PRICKLE1: variants seen among roughly 807,000 people sequenced by gnomAD.
PRICKLE1 encodes prickle-like protein 1.
PRICKLE1 carries 14 observed loss-of-function variants against 70.2 expected under a neutral mutation model. The observed-to-expected ratio is 0.20, with a 90% CI of 0.13 to 0.31. The LOEUF (loss-of-function observed/expected upper bound fraction) is 0.31. Ranked by LOEUF, PRICKLE1 falls within the 10% of genes least tolerant of loss-of-function variation. The pLI, the probability that PRICKLE1 is intolerant of heterozygous loss-of-function variation, is 1.00. For missense variants in PRICKLE1, 821 were observed against 1,026.2 expected (o/e 0.80, Z 2.73); for synonymous variants, 357 against 379.9 (o/e 0.94, Z 0.70).
intron 1 of PRICKLE1, among the ~76,000 whole-genome samples, chr12:42,549,506 C>G (rs899103423): frequency 1.3e-5 from 2 of 152,140 alleles, no homozygotes; most frequent in Admixed American, 1.3e-4. Context: ...ATGGAACCCA[C>G]CCCTACCTCT....
At chr12:42,476,161 C>T (rs773116914) in intron 1 of PRICKLE1, among the ~76,000 whole-genome samples, 1 of 149,150 alleles carries the variant, frequency 6.7e-6, no homozygotes, top group Non-Finnish European at 1.5e-5. Flanking sequence ...AGAGTTGCTA[C>T]ATCATCACTA....
chr12:42,478,456 C>CATTAAGGAG (rs973016330), intron 1 of PRICKLE1, among the ~76,000 whole-genome samples: 1 of 152,074 alleles, frequency 6.6e-6, no homozygotes, highest in Non-Finnish European at 1.5e-5. Context: ...ATAGTCTGAC[C>CATTAAGGAG]ATTAAGGAGG....
intron 1 of PRICKLE1, among the ~76,000 whole-genome samples, chr12:42,557,481 G>A (rs1338183029): frequency 2.0e-5 from 3 of 152,134 alleles, no homozygotes; most frequent in African/African-American, 4.8e-5. Flanking sequence ...AGTTTGCATC[G>A]TCCCTCCCCA....
intron 1 of PRICKLE1, among the ~76,000 whole-genome samples, chr12:42,502,487 T>A (rs1175298447): frequency 6.6e-6 from 1 of 151,840 alleles, no homozygotes; most frequent in African/African-American, 2.4e-5. Flanking sequence ...TTTGTATTTT[T>A]TTTGTAGAGA....
At chr12:42,519,763 T>C (rs1048717590) in intron 1 of PRICKLE1, among the ~76,000 whole-genome samples, 3 of 152,150 alleles carry the variant, frequency 2.0e-5, no homozygotes, top group Non-Finnish European at 4.4e-5. Flanking sequence ...GGGCTGAGGC[T>C]GGGTAGCTTG....
chr12:42,480,974 G>A (rs1329217355), intron 1 of PRICKLE1, among the ~76,000 whole-genome samples: 1 of 152,186 alleles, frequency 6.6e-6, no homozygotes, highest in African/African-American at 2.4e-5. Context: ...GAACCTGAGA[G>A]GGGCCAATTA....
At chr12:42,497,261 G>A (rs1460461117) in intron 1 of PRICKLE1, among the ~76,000 whole-genome samples, 3 of 152,080 alleles carry the variant, frequency 2.0e-5, no homozygotes, top group Non-Finnish European at 2.9e-5. Context: ...AACATTTATC[G>A]ATGGCCGGGC....
rs577174749 is a variant in PRICKLE1 at position 42,465,012 on chromosome 12, C to T, written c.1022G>A (p.Arg341Gln). The T allele has an allele frequency of 1.3e-5, 21 of 1,605,422 alleles. No homozygotes were observed. Among genetic ancestry groups the T allele is most frequent in the East Asian group, 2.2e-5 (1 of 44,782 alleles). The change falls in exon 7 of 8, where the codon CGG becomes CAG. Residue 341 changes from arginine (R) to glutamine (Q), a missense_variant. By Grantham distance (43) the Arg-to-Gln change is conservative. Transcript: ENST00000345127. ...RRSVRMGKSS[R>Q]SADQCRQSLL... ...AGACTGTCTACACTGATCTGCTGAC[C>T]GGCTGCTCTTGCCCATTCGGACACT...
chr12:42,573,654 C>T (rs1940758915), intron 1 of PRICKLE1, among the ~76,000 whole-genome samples: 1 of 152,002 alleles, frequency 6.6e-6, no homozygotes, highest in African/African-American at 2.4e-5. Flanking sequence ...ACTACGGCCT[C>T]CATCTCCCAG....
At chr12:42,470,459 C>A (rs544229479) in intron 2 of PRICKLE1, 100 bp from the exon 3 acceptor site, 7 of 822,344 alleles carry the variant, frequency 8.5e-6, no homozygotes, top group Middle Eastern at 2.2e-4. Flanking sequence ...AGGGTTTGGC[C>A]TCTTGTAGCT....
At position 42,465,347 on chromosome 12, in the gene PRICKLE1, T is replaced by C. The variant is rs538358030; in HGVS notation, c.776-89A>G. 2.3e-5 allele frequency: 30 copies of C among 1,306,234 alleles called. 1 individual carries two copies. In the Admixed American group the frequency reaches 4.6e-4, roughly 20 times the overall value. 80.9% of individuals were successfully genotyped at this position (1,306,234 alleles called of 1,614,324 possible). A position where few individuals can be genotyped will look rare whatever the true frequency, so the allele number is the denominator to read the frequency against. ...AAGAAACGAAGAAAATAAATAAAGA[T>C]TATGGGTATGGGGGAGCTGTGTGGG... On this transcript the variant is annotated intron_variant, in intron 6 of 7. Transcript: ENST00000345127.
At chr12:42,472,991 A>G (rs1938384602) in intron 1 of PRICKLE1, among the ~76,000 whole-genome samples, 1 of 152,188 alleles carries the variant, frequency 6.6e-6, no homozygotes, top group Non-Finnish European at 1.5e-5. Context: ...AAATGGCTCA[A>G]GACCCCACTC....
chr12:42,494,027 C>T (rs1294482085), intron 1 of PRICKLE1, among the ~76,000 whole-genome samples: 2 of 152,186 alleles, frequency 1.3e-5, no homozygotes. Flanking sequence ...GTTATGTTTA[C>T]ACTACACTAT....
chr12:42,580,907 C>T (rs1015340290), intron 1 of PRICKLE1, among the ~76,000 whole-genome samples: 3 of 149,440 alleles, frequency 2.0e-5, no homozygotes, highest in African/African-American at 4.9e-5. Context: ...GAAGGAAGGA[C>T]GGAAGGACGG....
At chr12:42,508,410 AGAAAAAAAGAAG>A (rs1201154543) in intron 1 of PRICKLE1, among the ~76,000 whole-genome samples, 1 of 152,212 alleles carries the variant, frequency 6.6e-6, no homozygotes, top group Non-Finnish European at 1.5e-5. Flanking sequence ...CTACTGTTTA[AGAAAAAAAGAAG>A]GCAAGTGGTA....
chr12:42,459,908 A>G lies in PRICKLE1; in HGVS notation c.2397T>C (p.Ser799=), dbSNP rs768050274. 1.2e-6 allele frequency: 2 copies of G among 1,614,016 alleles called. No individual in the cohort carries two copies. Among genetic ancestry groups the G allele is most frequent in the Non-Finnish European group, 1.7e-6 (2 of 1,180,024 alleles). ...GGGTGGGAAGTGCAGATGGTGGACT[A>G]GAAAGGTCATCTGTATAGTAGGCAA... is the stretch of plus-strand genomic sequence containing the variant. ...QRFAYYTDDL[S]SPPSALPTPQ... is the part of the protein sequence containing the mutation. Residue 799 remains serine, a synonymous_variant, in exon 8 of 8, where the codon TCT becomes TCC. Coordinates refer to ENST00000345127, the MANE Select transcript of PRICKLE1 (RefSeq NM_153026.3).
chr12:42,466,484 C>G (rs1034889307), intron 5 of PRICKLE1, 104 bp from the exon 6 acceptor site: 4 of 986,658 alleles, frequency 4.1e-6, no homozygotes, highest in Non-Finnish European at 4.7e-6. Context: ...GACACTGGCT[C>G]TTAAAAAAAT....
chr12:42,549,699 A>C (rs1041813422), intron 1 of PRICKLE1, among the ~76,000 whole-genome samples: 1 of 152,108 alleles, frequency 6.6e-6, no homozygotes. Context: ...CACCTCCTCT[A>C]ATCTATCCAT....
At position 42,468,782 on chromosome 12, in the gene PRICKLE1, A is replaced by T; in HGVS notation, c.432T>A (p.Arg144=). 6.2e-7 allele frequency: 1 copy of T among 1,614,178 alleles called. No individual in the cohort carries two copies. Among genetic ancestry groups the T allele is most frequent in the Non-Finnish European group, 8.5e-7 (1 of 1,180,036 alleles). ...NGGEVAVFAS[R]AGPGVCWHPS... ...GGTGCCAGCACACACCAGGGCCCGC[A>T]CGGGAGGCGAACACTGCAACTTCAC... Residue 144 remains arginine (R), a synonymous_variant, in exon 5 of 8, where the codon CGT becomes CGA. Transcript: ENST00000345127.
Sources: allele counts gnomAD v4.1 joint callset (sites outside exome capture counted in the v4.1 genomes callset), GRCh38; gene constraint gnomAD v4.1.1; transcripts MANE v1.5; gene names NCBI Gene and HGNC (gene_info 2026-07-23, HGNC 2026-07-21).